MRTO4: variants seen among roughly 807,000 people sequenced by gnomAD.
MRTO4 encodes mRNA turnover protein 4 homolog.
A neutral mutation model predicts 28.6 loss-of-function variants in MRTO4; 7 were observed. The ratio of observed to expected loss-of-function variants is 0.24; its 90% CI spans 0.14 to 0.46. MRTO4 has a LOEUF of 0.46. MRTO4 is among the 20% of genes least tolerant of loss of function. MRTO4 has a pLI of 0.99. For missense variants in MRTO4, 302 were observed against 298.3 expected, an observed-to-expected ratio of 1.01 and a Z score of -0.09; for synonymous variants, 113 against 108.2, an observed-to-expected ratio of 1.04 and a Z score of -0.27.
Position 19,258,943 on chromosome 1 carries a change from A to T in MRTO4, c.*113A>T. On this transcript the variant is annotated 3_prime_UTR_variant, in exon 8 of 8. Coordinates refer to ENST00000330263, the MANE Select transcript of MRTO4 (RefSeq NM_016183.4). ...TTTTATTTGTCTGTAGACAGGGAACATGATGGGCACTGACCTCCTGTAAAG... is the reference window on the plus strand; with the variant it reads ...TTTTATTTGTCTGTAGACAGGGAACTTGATGGGCACTGACCTCCTGTAAAG... 7.8e-7 allele frequency: 1 copy of T among 1,279,428 alleles called. No individual in the cohort carries two copies. Among genetic ancestry groups the T allele is most frequent in the South Asian group, 1.5e-5 (1 of 64,890 alleles). 79.3% of individuals were successfully genotyped at this position (1,279,428 alleles called of 1,614,324 possible).
chr1:19,258,508 G>A lies in MRTO4; in HGVS notation c.525G>A (p.Val175=). The A allele has an allele frequency of 3.1e-6, 5 of 1,614,080 alleles. No homozygotes were observed. The highest frequency in any genetic ancestry group is 3.4e-6 in the Non-Finnish European group (4 of 1,180,036). The part of the protein sequence containing the change: ...GVVTLLSDYE[V]CKEGDVLTPE... The stretch of plus-strand genomic sequence containing the variant: ...TGACTCTGCTGTCTGACTACGAGGT[G>A]TGCAAGGAGGGCGATGTGCTGACCC... Residue 175 remains valine, a synonymous_variant, in exon 7 of 8, where the codon GTG becomes GTA. Transcript: ENST00000330263.
chr1:19,258,020 A>G (rs1207774899), intron 6 of MRTO4, 36 bp downstream of exon 6: 2 of 1,602,282 alleles, frequency 1.2e-6, no homozygotes, highest in African/African-American at 1.3e-5. Flanking sequence ...GTCACAGCCT[A>G]GAGTCCAAGA....
intron 1 of MRTO4, among the ~76,000 whole-genome samples, chr1:19,252,629 G>A (rs2093663878): frequency 6.6e-6 from 1 of 152,214 alleles, no homozygotes; most frequent in Non-Finnish European, 1.5e-5. Context: ...AATCCGGGAG[G>A]CGGAGGTTGC....
intron 1 of MRTO4, among the ~76,000 whole-genome samples, chr1:19,253,044 CTAGGCGT>C (rs1223892985): frequency 1.3e-5 from 2 of 152,192 alleles, no homozygotes; most frequent in Non-Finnish European, 2.9e-5. Flanking sequence ...CTGGCACTTT[CTAGGCGT>C]TAGAGGATAC....
chr1:19,258,796 C>T lies in MRTO4; in HGVS notation c.686C>T (p.Ser229Phe), dbSNP rs369837947. 6.8e-6 allele frequency: 11 copies of T among 1,614,028 alleles called. No individual in the cohort carries two copies. Among genetic ancestry groups the T allele is most frequent in the African/African-American group, 2.7e-5 (2 of 74,908 alleles). Residue 229 changes from serine (S) to phenylalanine (F), a missense_variant, in exon 8 of 8, where the codon TCC becomes TTC. Coordinates refer to ENST00000330263, the MANE Select transcript of MRTO4 (RefSeq NM_016183.4). ...GDDLPESASE[S>F]TEESDSEDDD Reference sequence around the variant, plus strand: ...GACTTGCCAGAGAGCGCATCTGAGTCCACAGAAGAGTCAGACTCAGAAGAT... The same window carrying T: ...GACTTGCCAGAGAGCGCATCTGAGTTCACAGAAGAGTCAGACTCAGAAGAT...
At chr1:19,256,270 C>T (rs924037169) in intron 3 of MRTO4, among the ~76,000 whole-genome samples, 6 of 152,164 alleles carry the variant, frequency 3.9e-5, no homozygotes, top group Non-Finnish European at 7.3e-5. Context: ...AATCCTGGCA[C>T]TTTGGGAGGC....
chr1:19,254,032 T>C (rs2093667770), intron 1 of MRTO4, among the ~76,000 whole-genome samples: 1 of 152,150 alleles, frequency 6.6e-6, no homozygotes, highest in African/African-American at 2.4e-5. Context: ...CCCAGCCTCA[T>C]GGTTGCACAG....
At chr1:19,257,421 T>C (rs1313532014) in intron 4 of MRTO4, 33 bp from the exon 5 acceptor site, 1 of 1,613,396 alleles carries the variant, frequency 6.2e-7, no homozygotes, top group East Asian at 2.2e-5. Context: ...ACTGCTCTAA[T>C]GTGACCAAGC....
chr1:19,254,614 C>A (rs886258710), intron 1 of MRTO4, among the ~76,000 whole-genome samples, 168 bp from the exon 2 acceptor site: 3 of 152,064 alleles, frequency 2.0e-5, no homozygotes, highest in African/African-American at 7.3e-5. Context: ...TTCCATGGGC[C>A]CTGGGAATGG....
chr1:19,253,459 C>T (rs2093666674), intron 1 of MRTO4, among the ~76,000 whole-genome samples: 1 of 152,154 alleles, frequency 6.6e-6, no homozygotes. Context: ...ATTGGCTTTC[C>T]TGCCCAGGTG....
At chr1:19,252,070 G>A (rs1212736194) in intron 1 of MRTO4, 8 of 713,278 alleles carry the variant, frequency 1.1e-5, no homozygotes, top group Non-Finnish European at 1.8e-5. Flanking sequence ...CTGGGGAGCG[G>A]AGACTCGTTT....
At chr1:19,258,093 C>T in intron 6 of MRTO4, 109 bp downstream of exon 6, 1 of 1,398,316 alleles carries the variant, frequency 7.2e-7, no homozygotes, top group Non-Finnish European at 9.5e-7. Context: ...CTTCCATTTT[C>T]TCATGAGAAA....
intron 5 of MRTO4, 145 bp from the exon 6 acceptor site, chr1:19,257,688 A>G (rs548231214): frequency 7.4e-7 from 1 of 1,359,920 alleles, no homozygotes; most frequent in South Asian, 1.3e-5. Context: ...CCTCTCCAGC[A>G]TGGTGCTCTG....
At chr1:19,252,017 CGGGGCTGTAAAACCGCCA>C (rs911151874) in intron 1 of MRTO4, 154 bp downstream of exon 1, 1 of 1,149,632 alleles carries the variant, frequency 8.7e-7, no homozygotes, top group Non-Finnish European at 1.2e-6. Flanking sequence ...ATGGGGGCTT[CGGGGCTGTAAAACCGCCA>C]GAGGTGGCTG....
chr1:19,254,990 C>G, intron 2 of MRTO4, 150 bp downstream of exon 2: 1 of 658,636 alleles, frequency 1.5e-6, no homozygotes. Flanking sequence ...GGCCTTTTTC[C>G]TCCAGCAGCA....
At chr1:19,254,746 GTC>G (rs761927225) in intron 1 of MRTO4, 34 bp from the exon 2 acceptor site, 24 of 1,533,762 alleles carry the variant, frequency 1.6e-5, no homozygotes, top group Non-Finnish European at 2.2e-5. Context: ...ATTTAGATTG[GTC>G]TCTCATCATC....
intron 1 of MRTO4, among the ~76,000 whole-genome samples, chr1:19,252,946 C>A (rs1293220423): frequency 1.3e-5 from 2 of 150,656 alleles, no homozygotes; most frequent in Admixed American, 6.6e-5. Context: ...GACTTGCGCA[C>A]CTCTTAAGAG....
At chr1:19,252,048 GC>G in intron 1 of MRTO4, 185 bp downstream of exon 1, 1 of 848,480 alleles carries the variant, frequency 1.2e-6, no homozygotes. Flanking sequence ...GGTGGCTGAC[GC>G]CCGGTCGGGT....
Position 19,253,643 on chromosome 1 carries a change from A to G in MRTO4, c.29-1139A>G, listed in dbSNP as rs899472046. 4.6e-5 allele frequency among the ~76,000 whole-genome samples: 7 copies of G among 152,240 alleles called. No homozygotes were observed. The East Asian group carries it at 1.3e-3, about 29-fold the overall frequency. ...TTGAGCCAAAGGTATAACAGTGGAA[A>G]TGATGGGAAGTGGCCCGCTATATTT... On this transcript the variant is annotated intron_variant, in intron 1 of 7. Transcript: ENST00000330263.
Sources: gnomAD v4.1 joint callset for allele counts (sites outside exome capture counted in the v4.1 genomes callset) on GRCh38, gnomAD v4.1.1 for gene constraint, MANE v1.5 for transcripts, NCBI Gene and HGNC (gene_info 2026-07-23, HGNC 2026-07-21) for gene names.